Variants in DNAH10 observed in about 807,000 individuals in gnomAD.
DNAH10 encodes the protein dynein axonemal heavy chain 10.
A neutral mutation model predicts 506.6 loss-of-function variants in DNAH10; 348 were observed. The observed-to-expected ratio is 0.69, with a 90% CI of 0.63 to 0.75. The LOEUF is 0.75. Ranked by LOEUF, DNAH10 falls within the 30% of genes least tolerant of loss-of-function variation. The pLI, the probability that DNAH10 is intolerant of heterozygous loss-of-function variation, is 0.00. For missense variants in DNAH10, 5,179 were observed against 5,787.1 expected (o/e 0.89, Z 3.41); for synonymous variants, 2,059 against 2,198.6 (o/e 0.94, Z 1.78).
At chr12:123,908,379 GC>G (rs1566083826) in intron 57 of DNAH10, 1 of 455,990 alleles carries the variant, frequency 2.2e-6, no homozygotes, top group Non-Finnish European at 4.4e-6. Context: ...CTGCCTGGCC[GC>G]CCCCACACTG....
At chr12:123,768,636 C>G (rs1016260167) in intron 2 of DNAH10, among the ~76,000 whole-genome samples, 1 of 152,252 alleles carries the variant, frequency 6.6e-6, no homozygotes, top group Non-Finnish European at 1.5e-5. Context: ...GATGTCTCAG[C>G]CAGCTCAGCA....
chr12:123,838,105 C>T (rs560147791), intron 28 of DNAH10, among the ~76,000 whole-genome samples: 1 of 152,252 alleles, frequency 6.6e-6, no homozygotes, highest in South Asian at 2.1e-4. Context: ...TTCCTTTACT[C>T]AGCAAGTGTT....
chr12:123,874,672 A>G (rs1285666228), intron 46 of DNAH10, among the ~76,000 whole-genome samples: 2 of 151,732 alleles, frequency 1.3e-5, no homozygotes, highest in African/African-American at 2.4e-5. Context: ...GTCATTATCA[A>G]TGTATGAATT....
chr12:123,837,463 C>G (rs1594152992), intron 28 of DNAH10, among the ~76,000 whole-genome samples: 1 of 152,012 alleles, frequency 6.6e-6, no homozygotes. Flanking sequence ...CCTATAATCC[C>G]CTTGCCCAGG....
At chr12:123,863,426 A>G (rs948183445) in intron 39 of DNAH10, among the ~76,000 whole-genome samples, 2 of 152,192 alleles carry the variant, frequency 1.3e-5, no homozygotes, top group African/African-American at 4.8e-5. Flanking sequence ...CATAACAAAT[A>G]ACTGGGTGGC....
At chr12:123,844,139 AAG>A (rs373370726) in intron 30 of DNAH10, among the ~76,000 whole-genome samples, 7 of 151,886 alleles carry the variant, frequency 4.6e-5, no homozygotes, top group African/African-American at 1.5e-4. Flanking sequence ...GGTGGCGGGA[AAG>A]AGAGAGAGAG....
At chr12:123,863,567 G>A (rs10773042) in intron 39 of DNAH10, among the ~76,000 whole-genome samples, 59,952 of 152,074 alleles carry the variant, frequency 0.39, 12,210 homozygotes, top group Non-Finnish European at 0.44. Context: ...GTGGTTCCAG[G>A]TGTTCCTTGG....
chr12:123,789,274 A>G (rs1396617053), intron 10 of DNAH10, among the ~76,000 whole-genome samples: 1 of 151,810 alleles, frequency 6.6e-6, no homozygotes, highest in Non-Finnish European at 1.5e-5. Flanking sequence ...TTTAACTTCT[A>G]TGTGGAATCA....
chr12:123,904,100 C>G (rs1402431270), intron 57 of DNAH10, among the ~76,000 whole-genome samples: 2 of 152,316 alleles, frequency 1.3e-5, no homozygotes, highest in African/African-American at 2.4e-5. Context: ...ATTGGTGAAA[C>G]ATTTGTGAAT....
chr12:123,926,576 C>A lies in DNAH10; in HGVS notation c.11922-61C>A. On this transcript the variant is annotated intron_variant, in intron 68 of 78. Transcript: ENST00000673944. The surrounding 1 kb of genome is among the most constrained non-coding windows in gnomAD (Gnocchi z 4.1). ...GAGGAGGCAGCGCTGATCAGACAGACCAGCCCCTGGTCTGGAGCTGTCCTC... is the reference window on the plus strand; with the variant it reads ...GAGGAGGCAGCGCTGATCAGACAGAACAGCCCCTGGTCTGGAGCTGTCCTC... 1 of 1,555,006 alleles carries A rather than the reference C, an allele frequency of 6.4e-7. No individual in the cohort carries two copies. The highest frequency in any genetic ancestry group is 8.7e-7 in the Non-Finnish European group (1 of 1,144,298).
chr12:123,852,701 G>T (rs1400514915), intron 35 of DNAH10, among the ~76,000 whole-genome samples: 1 of 151,984 alleles, frequency 6.6e-6, no homozygotes, highest in Non-Finnish European at 1.5e-5. Context: ...AGCCTCCCAA[G>T]TAGCTGGGAT....
In DNAH10 at chr12:123,848,757, G is replaced by A. The variant is rs1951051355; in HGVS notation, c.5977G>A (p.Ala1993Thr). The A allele has an allele frequency of 6.2e-7, 1 of 1,613,936 alleles. No individual in the cohort carries two copies. Among genetic ancestry groups the A allele is most frequent in the Non-Finnish European group, 8.5e-7 (1 of 1,179,866 alleles). Residue 1993 changes from alanine to threonine, a missense_variant, in exon 34 of 79, where the codon GCA becomes ACA. Coordinates refer to ENST00000673944, the MANE Select transcript of DNAH10 (RefSeq NM_001372106.1). ...RAVGKIFSGL[A>T]QCGAWGCFDE... ...CGTGGGGAAGATTTTCTCTGGCCTG[G>A]CACAGTGCGGGGCTTGGGGCTGCTT...
intron 54 of DNAH10, among the ~76,000 whole-genome samples, chr12:123,896,719 GAAAAA>G (rs60387471): frequency 1.1e-5 from 1 of 92,104 alleles, no homozygotes; most frequent in African/African-American, 3.4e-5. Flanking sequence ...CCTGTCTCAA[GAAAAA>G]AAAAAAAAAA....
intron 21 of DNAH10, among the ~76,000 whole-genome samples, chr12:123,815,680 T>A (rs952403578): frequency 6.6e-6 from 1 of 152,180 alleles, no homozygotes; most frequent in Admixed American, 6.5e-5. Context: ...AAGAGAAATA[T>A]ACAGTTGTGT....
Position 123,796,902 on chromosome 12 carries a change from G to A in DNAH10, c.2163+70G>A, listed in dbSNP as rs573717039. The A allele has an allele frequency of 9.0e-5, 126 of 1,404,254 alleles. No homozygotes were observed. The African/African-American group carries it at 1.5e-3, about 17-fold the overall frequency. The allele number at this position is 1,404,254 out of a possible 1,614,324, so 87.0% of individuals were successfully genotyped here. On this transcript the variant is annotated intron_variant, in intron 13 of 78. Coordinates refer to ENST00000673944, the MANE Select transcript of DNAH10 (RefSeq NM_001372106.1). ...TTTTTTTTTTTTGAGATGGAGTCTC[G>A]CTCTGTCGCCCAGGCTGGAGTGCAG...
chr12:123,853,363 C>G lies in DNAH10; in HGVS notation c.6438+11C>G. 6.2e-7 allele frequency: 1 copy of G among 1,606,688 alleles called. No homozygotes were observed. ...TCTGACCTTAGGGAGGTAGGGGCCA[C>G]GTGCTGGAACATTCTCTGGTTTCAG... On this transcript the variant is annotated intron_variant, in intron 36 of 78. Coordinates refer to ENST00000673944, the MANE Select transcript of DNAH10 (RefSeq NM_001372106.1). This position sits in a 1 kb window ranked among gnomAD's most constrained non-coding sequence, Gnocchi z 4.7.
chr12:123,893,083 A>G (rs908862018), intron 52 of DNAH10, 150 bp from the exon 53 acceptor site: 34 of 788,404 alleles, frequency 4.3e-5, no homozygotes, highest in Non-Finnish European at 5.7e-5. Flanking sequence ...ACGAGGTGGC[A>G]GGGAGCCTCG....
intron 51 of DNAH10, 53 bp downstream of exon 51, chr12:123,881,866 TG>T (rs1441044231): frequency 1.4e-6 from 2 of 1,412,422 alleles, no homozygotes; most frequent in East Asian, 5.3e-5. Flanking sequence ...TTTCTGCAGT[TG>T]GTAGTTCGTG....
Position 123,933,419 on chromosome 12 carries a change from G to T in DNAH10, c.13385G>T (p.Arg4462Leu). ...ACGGCGCTGGTGCAGGCCACCTGCC[G>T]GAAGAACGGCTGGCCACTGGACCGC... ...YLTALVQATC[R>L]KNGWPLDRST... Residue 4462 changes from arginine (R) to leucine (L), a missense_variant, in exon 77 of 79, where the codon CGG becomes CTG. Around this residue, in one of 3 missense-constraint regions of DNAH10, gnomAD observed 4,844 missense variants for 5,430.5 expected, o/e 0.89. Coordinates refer to ENST00000673944, the MANE Select transcript of DNAH10 (RefSeq NM_001372106.1). 6.2e-7 allele frequency: 1 copy of T among 1,612,432 alleles called. No individual in the cohort carries two copies. The highest frequency in any genetic ancestry group is 8.5e-7 in the Non-Finnish European group (1 of 1,179,628).
Sources: allele counts gnomAD v4.1 joint callset (sites outside exome capture counted in the v4.1 genomes callset), GRCh38; gene constraint gnomAD v4.1.1; regional missense constraint gnomAD v4.1.1; non-coding constraint Gnocchi (gnomAD v3.1); transcripts MANE v1.5; gene names NCBI Gene and HGNC (gene_info 2026-07-23, HGNC 2026-07-21).